Variants in HPSE2 observed in about 807,000 individuals in gnomAD.
HPSE2 encodes the protein inactive heparanase-2.
A neutral mutation model predicts 60.5 loss-of-function variants in HPSE2; 38 were observed. That is an observed-to-expected ratio of 0.63 (90% CI 0.48 to 0.82). The LOEUF (loss-of-function observed/expected upper bound fraction) is 0.82, where lower values mean the gene tolerates loss of function less well. Among genes scored for constraint, HPSE2 ranks in the 40% least tolerant of loss-of-function variants. HPSE2 has a pLI of 0.00. For missense variants in HPSE2, 713 were observed against 740.4 expected (o/e 0.96, Z 0.43); for synonymous variants, 295 against 293.2 (o/e 1.01, Z -0.06).
intron 3 of HPSE2, among the ~76,000 whole-genome samples, chr10:99,015,679 G>A (rs575985941): frequency 4.0e-5 from 6 of 151,704 alleles, no homozygotes; most frequent in Non-Finnish European, 8.8e-5. Flanking sequence ...GGGGTGGGGG[G>A]AGAGGGGAGG....
Position 99,098,968 on chromosome 10 carries a change from CT to C in HPSE2, c.610+45269del, listed in dbSNP as rs529238990. On this transcript the variant is annotated intron_variant, in intron 3 of 11. Coordinates refer to ENST00000370552, the MANE Select transcript of HPSE2 (RefSeq NM_021828.5). ...TGCATTATTATATTTTAAACATCTCCTTTTTTTCAAAGCTTTGGTTATATAA... is the reference window on the plus strand; with the variant it reads ...TGCATTATTATATTTTAAACATCTCCTTTTTTCAAAGCTTTGGTTATATAA... 3.0e-3 allele frequency among the ~76,000 whole-genome samples: 460 copies of C among 152,232 alleles called. 1 individual carries two copies. Among genetic ancestry groups the C allele is most frequent in the Non-Finnish European group, 5.0e-3 (342 of 68,008 alleles).
At chr10:98,897,205 G>C (rs2134962831) in intron 3 of HPSE2, among the ~76,000 whole-genome samples, 1 of 152,222 alleles carries the variant, frequency 6.6e-6, no homozygotes, top group South Asian at 2.1e-4. Flanking sequence ...ATTAGGGTGA[G>C]GGATAAAAAA....
At chr10:98,994,603 C>T (rs1956601811) in intron 3 of HPSE2, among the ~76,000 whole-genome samples, 2 of 152,210 alleles carry the variant, frequency 1.3e-5, no homozygotes, top group Non-Finnish European at 2.9e-5. Flanking sequence ...TTTCCTGTCT[C>T]TCCTTGGCCA....
chr10:99,008,008 G>A (rs1461613182), intron 3 of HPSE2, among the ~76,000 whole-genome samples: 1 of 152,160 alleles, frequency 6.6e-6, no homozygotes, highest in Non-Finnish European at 1.5e-5. Flanking sequence ...CAATTCAACT[G>A]ACTTAGGCAG....
intron 3 of HPSE2, among the ~76,000 whole-genome samples, chr10:98,937,168 G>A (rs1300961849): frequency 1.4e-5 from 2 of 143,688 alleles, no homozygotes; most frequent in Non-Finnish European, 3.0e-5. Context: ...CACAGAACAC[G>A]GGTGATTTCT....
intron 3 of HPSE2, among the ~76,000 whole-genome samples, chr10:99,049,530 A>T (rs937759036): frequency 6.6e-6 from 1 of 152,168 alleles, no homozygotes; most frequent in African/African-American, 2.4e-5. Context: ...AAAACTCTTA[A>T]TTATACACAG....
At chr10:98,866,263 T>C (rs954310276) in intron 3 of HPSE2, among the ~76,000 whole-genome samples, 1 of 151,836 alleles carries the variant, frequency 6.6e-6, no homozygotes, top group Non-Finnish European at 1.5e-5. Flanking sequence ...GATTAGACAA[T>C]GCAAGAGAAA....
At chr10:99,288,748 C>CAAAAAAAAAAAAAAAAAA in the HPSE2 span, among the ~76,000 whole-genome samples, 1 of 75,806 alleles carries the variant, frequency 1.3e-5, no homozygotes, top group Non-Finnish European at 2.2e-5. Flanking sequence ...CAGCCTCAAG[C>CAAAAAAAAAAAAAAAAAA]AAAAAAAAAA....
At chr10:99,060,117 A>AT (rs1370646048) in intron 3 of HPSE2, among the ~76,000 whole-genome samples, 3 of 152,128 alleles carry the variant, frequency 2.0e-5, no homozygotes, top group South Asian at 2.1e-4. Flanking sequence ...GAGGACAATC[A>AT]TTTAAAATAT....
intron 9 of HPSE2, among the ~76,000 whole-genome samples, chr10:98,551,378 CT>C (rs140389941): frequency 1.4e-3 from 213 of 152,254 alleles, no homozygotes; most frequent in African/African-American, 5.0e-3. Context: ...CTGCTTTTGC[CT>C]GCCTGTCATC....
At chr10:98,549,332 A>C (rs1295326633) in intron 9 of HPSE2, among the ~76,000 whole-genome samples, 1 of 151,792 alleles carries the variant, frequency 6.6e-6, no homozygotes, top group Non-Finnish European at 1.5e-5. Flanking sequence ...CCATAAAACT[A>C]CAAAATAACT....
rs143166690 is a variant in HPSE2 at position 99,208,684 on chromosome 10, C to CAA, written c.448+23662_448+23663dup. On this transcript the variant is annotated intron_variant, in intron 2 of 11. Coordinates refer to ENST00000370552, the MANE Select transcript of HPSE2 (RefSeq NM_021828.5). ...TGGGTGACAGAGTGAGATCCAGTCT[C>CAA]AAAAAATAAAAATAAAAAAAAAAAG... Among the ~76,000 whole-genome samples the CAA allele has an allele frequency of 3.0e-3, 422 of 142,794 alleles. 1 individual carries two copies. Among genetic ancestry groups the CAA allele is most frequent in the Admixed American group, 7.5e-3 (107 of 14,226 alleles). 93.7% of individuals were successfully genotyped at this position (142,794 alleles called of 152,430 possible).
intron 3 of HPSE2, among the ~76,000 whole-genome samples, chr10:98,986,740 T>G (rs868310645): frequency 2.0e-5 from 3 of 149,608 alleles, no homozygotes; most frequent in South Asian, 2.1e-4. Context: ...ATTGATAGAC[T>G]GCTAGCTAGA....
intron 3 of HPSE2, among the ~76,000 whole-genome samples, chr10:99,135,786 T>C (rs1564836085): frequency 6.6e-6 from 1 of 152,134 alleles, no homozygotes; most frequent in East Asian, 1.9e-4. Flanking sequence ...ATTCTTTTAA[T>C]TTAATATTTA....
chr10:99,294,796 T>TA, the HPSE2 span, among the ~76,000 whole-genome samples: 438 of 151,976 alleles, frequency 2.9e-3, 1 homozygote, highest in African/African-American at 0.01. Flanking sequence ...AATCAGCTAA[T>TA]AAAAATACAA....
At chr10:99,163,843 G>A (rs916268859) in intron 2 of HPSE2, among the ~76,000 whole-genome samples, 6 of 151,958 alleles carry the variant, frequency 3.9e-5, no homozygotes, top group African/African-American at 1.5e-4. Context: ...AATTTGGGCT[G>A]ACAGAAGTTT....
intron 3 of HPSE2, among the ~76,000 whole-genome samples, chr10:98,926,814 C>G (rs115588341): frequency 0.037 from 5,638 of 152,198 alleles, 339 homozygotes; most frequent in African/African-American, 0.13. Flanking sequence ...TGCTCCCAAA[C>G]TGTAAATTAA....
chr10:98,831,141 T>A (rs541040706), intron 3 of HPSE2, among the ~76,000 whole-genome samples: 1 of 152,260 alleles, frequency 6.6e-6, no homozygotes, highest in Non-Finnish European at 1.5e-5. Context: ...AGAAATAGGG[T>A]GAGCAAGAAA....
chr10:99,099,263 C>T (rs113301063), intron 3 of HPSE2, among the ~76,000 whole-genome samples: 25,239 of 152,200 alleles, frequency 0.17, 2,448 homozygotes, highest in Admixed American at 0.24. Flanking sequence ...CTGTGACAGA[C>T]GGCACCTGGA....
Sources: gnomAD v4.1 joint callset for allele counts (sites outside exome capture counted in the v4.1 genomes callset) on GRCh38, gnomAD v4.1.1 for gene constraint, MANE v1.5 for transcripts, NCBI Gene and HGNC (gene_info 2026-07-23, HGNC 2026-07-21) for gene names.